Variants in FMNL1 observed in about 807,000 individuals in gnomAD.
FMNL1 encodes the protein formin-like protein 1.
Under a neutral mutation model 121.3 loss-of-function variants are expected in FMNL1, and 43 were observed. The observed-to-expected ratio is 0.35, with a 90% CI of 0.28 to 0.46. The LOEUF (loss-of-function observed/expected upper bound fraction) is 0.46. FMNL1 is among the 20% of genes least tolerant of loss of function. The pLI, the probability that FMNL1 is intolerant of heterozygous loss-of-function variation, is 1.00. For missense variants in FMNL1, 1,191 were observed against 1,482.4 expected (o/e 0.80, Z 3.23); for synonymous variants, 613 against 613.5 (o/e 1.00, Z 0.01).
chr17:45,229,670 G>C (rs571000957), intron 1 of FMNL1, among the ~76,000 whole-genome samples: 4 of 152,308 alleles, frequency 2.6e-5, no homozygotes, highest in African/African-American at 9.6e-5. Flanking sequence ...CCAAGTCTGG[G>C]GGTCCAGAAA....
intron 6 of FMNL1, among the ~76,000 whole-genome samples, chr17:45,235,325 A>G (rs1270790711): frequency 6.6e-6 from 1 of 152,180 alleles, no homozygotes; most frequent in African/African-American, 2.4e-5. Context: ...CTTCCCAGAA[A>G]AGGTGACGCT....
At chr17:45,226,611 A>G (rs191361795) in intron 1 of FMNL1, among the ~76,000 whole-genome samples, 1 of 152,274 alleles carries the variant, frequency 6.6e-6, no homozygotes, top group East Asian at 1.9e-4. Flanking sequence ...TTATAACAGT[A>G]TCTATTTTGT....
chr17:45,244,918 C>A lies in FMNL1; in HGVS notation c.2598+19C>A, dbSNP rs2143632882. ...GGATGCGGTGAGGAGGGGCCCCTGGCTTGGGGACTGGGGCTGGGGACTGGC... is the reference window on the plus strand; with the variant it reads ...GGATGCGGTGAGGAGGGGCCCCTGGATTGGGGACTGGGGCTGGGGACTGGC... On this transcript the variant is annotated intron_variant, in intron 20 of 26. Coordinates refer to ENST00000331495, the MANE Select transcript of FMNL1 (RefSeq NM_005892.4). 1 of 1,612,930 alleles carries A rather than the reference C, an allele frequency of 6.2e-7. No individual in the cohort carries two copies. Among genetic ancestry groups the A allele is most frequent in the East Asian group, 2.2e-5 (1 of 44,874 alleles).
At chr17:45,238,666 G>A in intron 10 of FMNL1, 28 bp downstream of exon 10, 1 of 1,613,294 alleles carries the variant, frequency 6.2e-7, no homozygotes, top group Non-Finnish European at 8.5e-7. Context: ...GCAGCCTGAG[G>A]CCTGGGCCAG....
chr17:45,222,919 C>G (rs536147819), intron 1 of FMNL1, among the ~76,000 whole-genome samples: 5 of 152,154 alleles, frequency 3.3e-5, no homozygotes, highest in East Asian at 1.9e-4. Context: ...GGAACCACCC[C>G]CCTCTGTGCC....
At position 45,232,413 on chromosome 17, in the gene FMNL1, T is replaced by C; in HGVS notation, c.260T>C (p.Leu87Pro). 1 of 1,613,834 alleles carries C rather than the reference T, an allele frequency of 6.2e-7. No individual in the cohort carries two copies. Among genetic ancestry groups the C allele is most frequent in the Non-Finnish European group, 8.5e-7 (1 of 1,179,902 alleles). The stretch of plus-strand genomic sequence containing the variant: ...CCCCCCGCAGCCTACATCCAGAAGC[T>C]GAAGAGCTATGTGGATACTGGTGGG... ...KNPPAAYIQK[L>P]KSYVDTGGVS... The change falls in exon 3 of 27, where the codon CTG (leucine) becomes CCG (proline). Residue 87 changes from leucine (L) to proline (P), a missense_variant. This residue lies in a region of FMNL1 where 253 missense variants were observed against 417.5 expected (regional missense o/e 0.61). Transcript: ENST00000331495.
chr17:45,241,561 C>A lies in FMNL1; in HGVS notation c.1512C>A (p.Leu504=), dbSNP rs777792414. The change falls in exon 14 of 27, where the codon CTC becomes CTA. Residue 504 remains leucine, a synonymous_variant. Transcript: ENST00000331495. The surrounding 1 kb of genome is among the most constrained non-coding windows in gnomAD (Gnocchi z 7.0). ...GGGATGCTGTCTCCATCGAGATCCT[C>A]CCCGTCGCTGTGGCAACTCCGAGCG... ...GPGDAVSIEI[L]PVAVATPSGG... 6.4e-7 allele frequency: 1 copy of A among 1,568,416 alleles called. No homozygotes were observed. The highest frequency in any genetic ancestry group is 1.2e-5 in the South Asian group (1 of 86,050).
chr17:45,241,916 C>G lies in FMNL1; in HGVS notation c.1655C>G (p.Pro552Arg), dbSNP rs540975102. Residue 552 changes from proline (P) to arginine (R), a missense_variant, in exon 15 of 27, where the codon CCC (proline) becomes CGC (arginine). Transcript: ENST00000331495. The surrounding 1 kb of genome is among the most constrained non-coding windows in gnomAD (Gnocchi z 7.0). ...PPPPPPLPGL[P>R]SPQEAPPSAP... is the part of the protein sequence containing the mutation. ...CCGCCGCCCCCACTGCCCGGCCTCC[C>G]CTCCCCGCAGGAAGCCCCGCCCTCT... is the stretch of plus-strand genomic sequence containing the variant. The G allele has an allele frequency of 1.1e-5, 16 of 1,401,724 alleles. No homozygotes were observed. The South Asian group carries it at 2.5e-4, about 22-fold the overall frequency. 86.8% of individuals were successfully genotyped at this position (1,401,724 alleles called of 1,614,324 possible).
At chr17:45,230,579 G>T (rs748906642) in intron 1 of FMNL1, 25 bp from the exon 2 acceptor site, 1 of 1,612,816 alleles carries the variant, frequency 6.2e-7, no homozygotes, top group Non-Finnish European at 8.5e-7. Flanking sequence ...CCAGGCTCAG[G>T]GGTCTTTGTC....
intron 16 of FMNL1, among the ~76,000 whole-genome samples, chr17:45,242,887 C>T (rs1280995106): frequency 1.3e-5 from 2 of 152,332 alleles, no homozygotes; most frequent in East Asian, 1.9e-4. Context: ...TCAGCTCTTC[C>T]TTTAGCTCTT....
Position 45,242,041 on chromosome 17 carries a change from C to T in FMNL1, c.1780C>T (p.Pro594Ser), listed in dbSNP as rs1370198478. 2 of 1,441,432 alleles carry T rather than the reference C, an allele frequency of 1.4e-6. No homozygotes were observed. The highest frequency in any genetic ancestry group is 9.1e-7 in the Non-Finnish European group (1 of 1,097,906). The allele number at this position is 1,441,432 out of a possible 1,614,324, so 89.3% of individuals were successfully genotyped here. ...GCCCCCACCCCCGCCACCGCCACCA[C>T]CTCCGGGCACTGACGGGCCGGTGCC... Reference protein sequence around the residue: ...LPPPPPPPPPPPGTDGPVPPP... With the variant: ...LPPPPPPPPPSPGTDGPVPPP... The change falls in exon 15 of 27, where the codon CCT becomes TCT. Residue 594 changes from proline to serine, a missense_variant. Pro to Ser is a moderately conservative substitution (Grantham distance 74). Transcript: ENST00000331495.
Position 45,222,160 on chromosome 17 carries a change from G to A in FMNL1, c.36G>A (p.Ala12=). 1 of 1,206,248 alleles carries A rather than the reference G, an allele frequency of 8.3e-7. No individual in the cohort carries two copies. Among genetic ancestry groups the A allele is most frequent in the Non-Finnish European group, 1.0e-6 (1 of 973,392 alleles). 74.7% of individuals were successfully genotyped at this position (1,206,248 alleles called of 1,614,324 possible). Residue 12 remains alanine, a synonymous_variant, in exon 1 of 27, where the codon GCG becomes GCA. Transcript: ENST00000331495. ...CGGCCGGCAGCGCCGAGCAGCCCGC[G>A]GGCCCCGCCGCGCCGCCCCCCAAGC... ...GNAAGSAEQP[A]GPAAPPPKQP...
rs868043319 is a variant in FMNL1, at chr17:45,241,458, C to T, written c.1409C>T (p.Pro470Leu). The change falls in exon 14 of 27, where the codon CCG becomes CTG. Residue 470 changes from proline to leucine, a missense_variant. Physicochemically the swap from Pro to Leu is moderately conservative, Grantham distance 98. Around this residue, in one of 4 missense-constraint regions of FMNL1, gnomAD observed 519 missense variants for 492.8 expected, o/e 1.05. Coordinates refer to ENST00000331495, the MANE Select transcript of FMNL1 (RefSeq NM_005892.4). The surrounding 1 kb of genome is among the most constrained non-coding windows in gnomAD (Gnocchi z 7.0). Reference protein sequence around the residue: ...PEPEKAPPAAPTRPSALELKV... With the variant: ...PEPEKAPPAALTRPSALELKV... ...CCTGAGAAAGCGCCTCCCGCTGCCC[C>T]GACGCGGCCCTCGGCCCTGGAGCTG... 5 of 1,568,664 alleles carry T rather than the reference C, an allele frequency of 3.2e-6. No homozygotes were observed. In the African/African-American group the frequency reaches 6.8e-5, roughly 21 times the overall value.
Position 45,242,061 on chromosome 17 carries a change from G to GCC in FMNL1, c.1800_1801insCC (p.Val601ProfsTer20). On this transcript the variant is annotated frameshift_variant, in exon 15 of 27. Coordinates refer to ENST00000331495, the MANE Select transcript of FMNL1 (RefSeq NM_005892.4). LOFTEE classifies it high-confidence loss of function. ...CACCACCTCCGGGCACTGACGGGCC[G>GCC]GTGCCTCCGCCGCCGCCGCCGCCGC... 6.8e-7 allele frequency: 1 copy of GCC among 1,473,836 alleles called. No individual in the cohort carries two copies. The allele number at this position is 1,473,836 out of a possible 1,614,324, so 91.3% of individuals were successfully genotyped here.
At position 45,233,916 on chromosome 17, in the gene FMNL1, C is replaced by T. The variant is rs908018633; in HGVS notation, c.486-156C>T. ...CCCCCGACAGGGAGGGGTGGCCTCT[C>T]TTCCACCACTATGTTCAGCACAGTG... On this transcript the variant is annotated intron_variant, in intron 5 of 26. Coordinates refer to ENST00000331495, the MANE Select transcript of FMNL1 (RefSeq NM_005892.4). The surrounding 1 kb of genome is among the most constrained non-coding windows in gnomAD (Gnocchi z 4.1). 1.3e-5 allele frequency: 17 copies of T among 1,328,736 alleles called. No individual in the cohort carries two copies. Among genetic ancestry groups the T allele is most frequent in the Non-Finnish European group, 1.5e-5 (15 of 982,360 alleles). The allele number at this position is 1,328,736 out of a possible 1,614,324, so 82.3% of individuals were successfully genotyped here.
chr17:45,241,089 C>G lies in FMNL1; in HGVS notation c.1231-40C>G. On this transcript the variant is annotated intron_variant, in intron 12 of 26. Coordinates refer to ENST00000331495, the MANE Select transcript of FMNL1 (RefSeq NM_005892.4). This position sits in a 1 kb window ranked among gnomAD's most constrained non-coding sequence, Gnocchi z 7.0. The stretch of plus-strand genomic sequence containing the variant: ...GCCCCCTCACCGGCGGTGCCAGTGC[C>G]GGGCTGCGGGTCGGGGCTCACCATG... 1 of 1,610,198 alleles carries G rather than the reference C, an allele frequency of 6.2e-7. No individual in the cohort carries two copies. The highest frequency in any genetic ancestry group is 8.5e-7 in the Non-Finnish European group (1 of 1,178,062).
At chr17:45,223,660 G>T (rs572567380) in intron 1 of FMNL1, among the ~76,000 whole-genome samples, 1 of 152,144 alleles carries the variant, frequency 6.6e-6, no homozygotes, top group African/African-American at 2.4e-5. Flanking sequence ...GATGGGGGAG[G>T]GGGGAGAATG....
chr17:45,242,939 C>G (rs141499762), intron 16 of FMNL1, among the ~76,000 whole-genome samples, 179 bp from the exon 17 acceptor site: 100 of 152,338 alleles, frequency 6.6e-4, no homozygotes, highest in Middle Eastern at 6.8e-3. Flanking sequence ...CGGCCCTCCT[C>G]CTCCAGGCTC....
At chr17:45,232,299 C>T (rs139238536) in intron 2 of FMNL1, 68 bp from the exon 3 acceptor site, 109 of 1,425,962 alleles carry the variant, frequency 7.6e-5, no homozygotes, top group African/African-American at 5.5e-4. Context: ...GACACTGGGA[C>T]GAGAACTGGT....
Sources: gnomAD v4.1 joint callset for allele counts (sites outside exome capture counted in the v4.1 genomes callset) on GRCh38, gnomAD v4.1.1 for gene constraint, gnomAD v4.1.1 regional missense constraint, Gnocchi (gnomAD v3.1) non-coding constraint, MANE v1.5 for transcripts, NCBI Gene and HGNC (gene_info 2026-07-23, HGNC 2026-07-21) for gene names.